FERMT2: variants seen among roughly 807,000 people sequenced by gnomAD.
The protein encoded by FERMT2 is FERM domain containing kindlin 2.
A neutral mutation model predicts 82.7 loss-of-function variants in FERMT2; 15 were observed. That is an observed-to-expected ratio of 0.18 (90% CI 0.12 to 0.28). The LOEUF is 0.28. Ranked by LOEUF, FERMT2 falls within the 10% of genes least tolerant of loss-of-function variation. FERMT2 has a pLI of 1.00. For synonymous variants in FERMT2, 274 were observed against 271.5 expected (o/e 1.01, Z -0.09); for missense variants, 645 against 809.4 (o/e 0.80, Z 2.46).
intron 2 of FERMT2, among the ~76,000 whole-genome samples, chr14:52,930,314 T>C (rs1235112186): frequency 6.6e-6 from 1 of 152,224 alleles, no homozygotes; most frequent in East Asian, 1.9e-4. Context: ...AGTCCACTTG[T>C]AAGTCTGAGA....
rs1413527273 is a variant in FERMT2, at chr14:52,857,550, T to G, written c.*827A>C. 6.6e-6 allele frequency: 1 copy of G among 152,648 alleles called. No homozygotes were observed. Among genetic ancestry groups the G allele is most frequent in the African/African-American group, 2.4e-5 (1 of 41,460 alleles). The allele number at this position is 152,648 out of a possible 1,614,324, so 9.5% of individuals were successfully genotyped here. On this transcript the variant is annotated 3_prime_UTR_variant, in exon 15 of 15. Coordinates refer to ENST00000341590, the MANE Select transcript of FERMT2 (RefSeq NM_006832.3). ...ATTAAAACTGCACGTTAATTATATCTCTTAAAGGCATTTAATTAACGCAGA... is the reference window on the plus strand; with the variant it reads ...ATTAAAACTGCACGTTAATTATATCGCTTAAAGGCATTTAATTAACGCAGA...
intron 3 of FERMT2, among the ~76,000 whole-genome samples, chr14:52,914,644 G>A (rs1000812624): frequency 6.6e-6 from 1 of 151,994 alleles, no homozygotes; most frequent in Non-Finnish European, 1.5e-5. Context: ...AGAAGGCCGG[G>A]CATGGTGGCT....
chr14:52,889,440 G>C (rs1394530516), intron 4 of FERMT2, among the ~76,000 whole-genome samples: 1 of 152,150 alleles, frequency 6.6e-6, no homozygotes, highest in Non-Finnish European at 1.5e-5. Flanking sequence ...GGGTGAAAAA[G>C]AACAAGGGAA....
At chr14:52,905,017 T>A in intron 3 of FERMT2, among the ~76,000 whole-genome samples, 1 of 151,442 alleles carries the variant, frequency 6.6e-6, no homozygotes, top group East Asian at 2.0e-4. Context: ...TGGTGAAACC[T>A]CATCTCTACT....
chr14:52,891,441 T>G (rs1039808287), intron 4 of FERMT2, among the ~76,000 whole-genome samples: 1 of 152,198 alleles, frequency 6.6e-6, no homozygotes, highest in Non-Finnish European at 1.5e-5. Context: ...TTTGTATCTT[T>G]CAAAATGCAA....
chr14:52,888,937 C>T (rs975874445), intron 4 of FERMT2, among the ~76,000 whole-genome samples: 2 of 151,986 alleles, frequency 1.3e-5, no homozygotes, highest in African/African-American at 4.8e-5. Flanking sequence ...TGGCCACTGA[C>T]GTATTTGCTA....
At chr14:52,902,879 A>AAAAAAAAACAAACAAAC (rs1887745233) in intron 3 of FERMT2, among the ~76,000 whole-genome samples, 14 of 136,244 alleles carry the variant, frequency 1.0e-4, no homozygotes, top group Non-Finnish European at 2.2e-4. Flanking sequence ...AAAAAAAAAA[A>AAAAAAAAACAAACAAAC]AAAAAAAAAA....
rs1001522843 is a variant in FERMT2 at position 52,946,349 on chromosome 14, T to C, written c.157+4063A>G. On this transcript the variant is annotated intron_variant, in intron 2 of 14. Transcript: ENST00000341590. ...AAAAAACACTATACACGTTTGAAAT[T>C]TGTCTTTGATTAAAAAAAAAAAAAC... 5.3e-5 allele frequency among the ~76,000 whole-genome samples: 8 copies of C among 151,662 alleles called. No individual in the cohort carries two copies. In the East Asian group the frequency reaches 5.8e-4, roughly 11 times the overall value.
At chr14:52,895,344 C>G (rs529995548) in intron 3 of FERMT2, among the ~76,000 whole-genome samples, 1 of 152,334 alleles carries the variant, frequency 6.6e-6, no homozygotes, top group Admixed American at 6.5e-5. Context: ...TCCAGACATT[C>G]TACCCCTAGT....
At chr14:52,927,590 T>TAAAAAAAAAAAAAAAAA (rs1566755584) in intron 2 of FERMT2, among the ~76,000 whole-genome samples, 3 of 11,788 alleles carry the variant, frequency 2.5e-4, no homozygotes, top group African/African-American at 7.6e-4. Flanking sequence ...ACCTCATCCC[T>TAAAAAAAAAAAAAAAAA]ATAAAAAAAA....
At chr14:52,933,241 C>T (rs1156825251) in intron 2 of FERMT2, among the ~76,000 whole-genome samples, 1 of 152,120 alleles carries the variant, frequency 6.6e-6, no homozygotes, top group African/African-American at 2.4e-5. Context: ...CCAAGTATTA[C>T]GGAGTCTATC....
At chr14:52,885,452 C>T (rs1886546184) in intron 4 of FERMT2, among the ~76,000 whole-genome samples, 1 of 151,768 alleles carries the variant, frequency 6.6e-6, no homozygotes, top group Non-Finnish European at 1.5e-5. Flanking sequence ...TAAATTCCTT[C>T]ATCGTGGTTC....
At position 52,943,103 on chromosome 14, in the gene FERMT2, G is replaced by C. The variant is rs991461854; in HGVS notation, c.157+7309C>G. Reference sequence around the variant, plus strand: ...GGTGCCTGTAATCCCAGCTACTTGGGAGGCTGAGGCAGGAGAATCACTTGA... The same window carrying C: ...GGTGCCTGTAATCCCAGCTACTTGGCAGGCTGAGGCAGGAGAATCACTTGA... On this transcript the variant is annotated intron_variant, in intron 2 of 14. Transcript: ENST00000341590. 8.0e-5 allele frequency among the ~76,000 whole-genome samples: 12 copies of C among 149,242 alleles called. 2 individuals carry two copies. Among genetic ancestry groups the C allele is most frequent in the African/African-American group, 3.0e-4 (12 of 39,716 alleles).
intron 7 of FERMT2, among the ~76,000 whole-genome samples, chr14:52,876,429 C>G (rs953839762): frequency 2.0e-5 from 3 of 152,098 alleles, no homozygotes; most frequent in Admixed American, 1.3e-4. Flanking sequence ...AGGTTTACTC[C>G]AGAGATCCTG....
chr14:52,906,088 C>T (rs1019876216), intron 3 of FERMT2, among the ~76,000 whole-genome samples: 7 of 152,142 alleles, frequency 4.6e-5, no homozygotes, highest in African/African-American at 1.7e-4. Context: ...CAGCTTACTG[C>T]CTATGGGCAG....
intron 12 of FERMT2, 190 bp from the exon 13 acceptor site, chr14:52,860,655 T>C (rs1337064398): frequency 1.7e-6 from 1 of 592,160 alleles, no homozygotes; most frequent in African/African-American, 1.9e-5. Flanking sequence ...TCAAAATAAG[T>C]CTTAATTTCA....
At chr14:52,884,885 C>T (rs1046782031) in intron 4 of FERMT2, among the ~76,000 whole-genome samples, 3 of 151,766 alleles carry the variant, frequency 2.0e-5, no homozygotes, top group African/African-American at 7.3e-5. Context: ...GCCTATAGTC[C>T]CAGCTACTTG....
chr14:52,884,208 A>AC (rs1403145225), intron 4 of FERMT2, among the ~76,000 whole-genome samples: 2 of 152,246 alleles, frequency 1.3e-5, no homozygotes, highest in Non-Finnish European at 2.9e-5. Context: ...AGCGTTCACA[A>AC]CAACTCTATT....
chr14:52,873,108 AT>A (rs1885729429), intron 9 of FERMT2, among the ~76,000 whole-genome samples, 185 bp from the exon 10 acceptor site: 1 of 152,144 alleles, frequency 6.6e-6, no homozygotes, highest in South Asian at 2.1e-4. Context: ...TCCCTTCTCA[AT>A]CTACTCTAGA....
Sources: allele counts gnomAD v4.1 joint callset (sites outside exome capture counted in the v4.1 genomes callset), GRCh38; gene constraint gnomAD v4.1.1; transcripts MANE v1.5; gene names NCBI Gene and HGNC (gene_info 2026-07-23, HGNC 2026-07-21).